The following EGLN1 variants were observed in gnomAD, a reference collection of about 807,000 sequenced individuals.
EGLN1 encodes the protein egl nine homolog 1.
A neutral mutation model predicts 38.3 loss-of-function variants in EGLN1; 17 were observed. The ratio of observed to expected loss-of-function variants is 0.44; its 90% CI spans 0.30 to 0.67. The LOEUF is 0.67. Ranked by LOEUF, EGLN1 falls within the 30% of genes least tolerant of loss-of-function variation. EGLN1 has a pLI of 0.08. For synonymous variants in EGLN1, 283 were observed against 257.5 expected (o/e 1.10, Z -0.95); for missense variants, 477 against 603.3 (o/e 0.79, Z 2.19).
intron 1 of EGLN1, among the ~76,000 whole-genome samples, chr1:231,392,351 A>G (rs139023025): frequency 7.2e-5 from 11 of 152,284 alleles, no homozygotes; most frequent in African/African-American, 2.6e-4. Flanking sequence ...AAAAACTAAG[A>G]ACTTAATTTT....
Position 231,421,974 on chromosome 1 carries a change from G to A in EGLN1, c.-86C>T. The A allele has an allele frequency of 7.7e-7, 1 of 1,303,354 alleles. No individual in the cohort carries two copies. Among genetic ancestry groups the A allele is most frequent in the Non-Finnish European group, 9.7e-7 (1 of 1,029,318 alleles). The allele number at this position is 1,303,354 out of a possible 1,614,324, so 80.7% of individuals were successfully genotyped here. A position where few individuals can be genotyped will look rare whatever the true frequency, so the allele number is the denominator to read the frequency against. On this transcript the variant is annotated 5_prime_UTR_variant, in exon 1 of 5. Coordinates refer to ENST00000366641, the MANE Select transcript of EGLN1 (RefSeq NM_022051.3). This position sits in a 1 kb window ranked among gnomAD's most constrained non-coding sequence, Gnocchi z 5.5. ...CGGCCTCGCCCGAGGCTGGGGAGCG[G>A]GGAGAGAGATAGGGGCCGTTACTGC...
intron 1 of EGLN1, among the ~76,000 whole-genome samples, chr1:231,378,598 T>C (rs1225524121): frequency 1.3e-5 from 2 of 152,120 alleles, no homozygotes; most frequent in Non-Finnish European, 2.9e-5. Context: ...GCCTGGCTGA[T>C]TGAGAATGTT....
intron 1 of EGLN1, among the ~76,000 whole-genome samples, chr1:231,416,986 G>A (rs895512973): frequency 3.3e-5 from 5 of 152,190 alleles, no homozygotes; most frequent in African/African-American, 1.2e-4. Context: ...AGATAAAGGT[G>A]TACTTATGTA....
In EGLN1 at chr1:231,418,497, T is replaced by C. The variant is rs769781553; in HGVS notation, c.891+2501A>G. 3.9e-5 allele frequency among the ~76,000 whole-genome samples: 6 copies of C among 152,148 alleles called. No individual in the cohort carries two copies. The South Asian group carries it at 8.3e-4, about 21-fold the overall frequency. ...CACCAGCCAGGGTTATAGTAAGTGGTAGACCTCTGCCAAGTCTGAGCTGAA... is the reference window on the plus strand; with the variant it reads ...CACCAGCCAGGGTTATAGTAAGTGGCAGACCTCTGCCAAGTCTGAGCTGAA... On this transcript the variant is annotated intron_variant, in intron 1 of 4. Coordinates refer to ENST00000366641, the MANE Select transcript of EGLN1 (RefSeq NM_022051.3).
At chr1:231,373,883 CTG>C in intron 2 of EGLN1, 95 bp downstream of exon 2, 5 of 1,437,198 alleles carry the variant, frequency 3.5e-6, no homozygotes, top group Non-Finnish European at 4.8e-6. Flanking sequence ...AAATTTTTAA[CTG>C]TGTCTGTGAC....
chr1:231,368,686 A>C (rs1558377100), intron 3 of EGLN1, among the ~76,000 whole-genome samples: 1 of 152,244 alleles, frequency 6.6e-6, no homozygotes, highest in Non-Finnish European at 1.5e-5. Context: ...GCCAGTGGAC[A>C]CAGGGGAAAA....
Position 231,421,616 on chromosome 1 carries a change from C to T in EGLN1, c.273G>A (p.Arg91=), listed in dbSNP as rs1051782730. ...GGCGCGCCGCTGCCTTCCTGGGCTCCCGGGCCCCGGCCCTGGGCGGCGGCA... is the reference window on the plus strand; with the variant it reads ...GGCGCGCCGCTGCCTTCCTGGGCTCTCGGGCCCCGGCCCTGGGCGGCGGCA... ...AAVPPPRAGA[R]EPRKAAARRD... Residue 91 remains arginine (R), a synonymous_variant, in exon 1 of 5, where the codon CGG becomes CGA. Transcript: ENST00000366641. This position sits in a 1 kb window ranked among gnomAD's most constrained non-coding sequence, Gnocchi z 5.5. 7.4e-7 allele frequency: 1 copy of T among 1,359,630 alleles called. No homozygotes were observed. Among genetic ancestry groups the T allele is most frequent in the Non-Finnish European group, 9.4e-7 (1 of 1,065,514 alleles). 84.2% of individuals were successfully genotyped at this position (1,359,630 alleles called of 1,614,324 possible).
chr1:231,379,016 A>G (rs1304893100), intron 1 of EGLN1, among the ~76,000 whole-genome samples: 1 of 152,206 alleles, frequency 6.6e-6, no homozygotes, highest in Non-Finnish European at 1.5e-5. Context: ...AACCTTAGGT[A>G]GGCACAATTT....
intron 1 of EGLN1, among the ~76,000 whole-genome samples, chr1:231,394,348 A>G (rs1250506239): frequency 1.4e-5 from 2 of 146,244 alleles, no homozygotes; most frequent in African/African-American, 5.1e-5. Context: ...TCCATTGCTC[A>G]CCTCTCTCAG....
intron 1 of EGLN1, among the ~76,000 whole-genome samples, chr1:231,402,546 T>C (rs1484587235): frequency 6.6e-6 from 1 of 151,954 alleles, no homozygotes; most frequent in African/African-American, 2.4e-5. Flanking sequence ...GCCATTCTCC[T>C]GCTTCACCCT....
chr1:231,370,834 G>C (rs1687803158), intron 2 of EGLN1, 136 bp from the exon 3 acceptor site: 2 of 1,011,026 alleles, frequency 2.0e-6, no homozygotes, highest in Non-Finnish European at 3.0e-6. Context: ...ATGAAGATGA[G>C]CTGCAATTTT....
At chr1:231,377,111 A>G (rs1558380994) in intron 1 of EGLN1, among the ~76,000 whole-genome samples, 1 of 152,190 alleles carries the variant, frequency 6.6e-6, no homozygotes, top group Non-Finnish European at 1.5e-5. Context: ...AACAACCTCA[A>G]TATCTCTTAC....
At chr1:231,384,290 A>G (rs1288141761) in intron 1 of EGLN1, among the ~76,000 whole-genome samples, 3 of 152,202 alleles carry the variant, frequency 2.0e-5, no homozygotes, top group Admixed American at 6.5e-5. Flanking sequence ...ACTTAATAGA[A>G]AAGATACAAA....
chr1:231,398,167 T>C (rs761891478), intron 1 of EGLN1, among the ~76,000 whole-genome samples: 8 of 152,092 alleles, frequency 5.3e-5, no homozygotes, highest in Admixed American at 1.3e-4. Flanking sequence ...AGTAGGAAAA[T>C]AGGGAGCTAA....
chr1:231,366,305 T>A lies in EGLN1; in HGVS notation c.*106A>T. 1 of 1,282,588 alleles carries A rather than the reference T, an allele frequency of 7.8e-7. No homozygotes were observed. The highest frequency in any genetic ancestry group is 2.3e-5 in the East Asian group (1 of 43,104). 79.5% of individuals were successfully genotyped at this position (1,282,588 alleles called of 1,614,324 possible). A position where few individuals can be genotyped will look rare whatever the true frequency, so the allele number is the denominator to read the frequency against. ...AGTTGTTTCTGTTTCCTTATTAAAA[T>A]GCGAACTGGTTGTCTATTTTTCTTT... On this transcript the variant is annotated 3_prime_UTR_variant, in exon 5 of 5. Transcript: ENST00000366641.
At position 231,412,667 on chromosome 1, in the gene EGLN1, A is replaced by T. The variant is rs1688983713; in HGVS notation, c.891+8331T>A. On this transcript the variant is annotated intron_variant, in intron 1 of 4. Transcript: ENST00000366641. ...CCTTAAAACCTCTAGAGAAGAAAGG[A>T]TGGGGCTAGAAGGTCAACAGTAGTA... 2.0e-5 allele frequency among the ~76,000 whole-genome samples: 3 copies of T among 152,224 alleles called. No individual in the cohort carries two copies. The South Asian group carries it at 6.2e-4, about 31-fold the overall frequency.
chr1:231,392,226 G>C (rs1005634041), intron 1 of EGLN1, among the ~76,000 whole-genome samples: 1 of 152,118 alleles, frequency 6.6e-6, no homozygotes, highest in African/African-American at 2.4e-5. Flanking sequence ...GGTGGAGCTT[G>C]CAGTTAGCCG....
At chr1:231,387,040 G>A (rs954149939) in intron 1 of EGLN1, among the ~76,000 whole-genome samples, 1 of 151,312 alleles carries the variant, frequency 6.6e-6, no homozygotes, top group Non-Finnish European at 1.5e-5. Flanking sequence ...AAAATGTTTT[G>A]TACAGATGAG....
At chr1:231,371,967 G>C (rs1687834970) in intron 2 of EGLN1, among the ~76,000 whole-genome samples, 1 of 152,166 alleles carries the variant, frequency 6.6e-6, no homozygotes, top group African/African-American at 2.4e-5. Flanking sequence ...TCAGGTTCCA[G>C]TGTTGTTCAG....
Sources: gnomAD v4.1 joint callset for allele counts (sites outside exome capture counted in the v4.1 genomes callset) on GRCh38, gnomAD v4.1.1 for gene constraint, Gnocchi (gnomAD v3.1) non-coding constraint, MANE v1.5 for transcripts, NCBI Gene and HGNC (gene_info 2026-07-23, HGNC 2026-07-21) for gene names.